Variants in ZNF664 observed in about 807,000 individuals in gnomAD.
ZNF664 encodes the protein zinc finger Organ of Corti 1.
A neutral mutation model predicts 18.2 loss-of-function variants in ZNF664; 10 were observed. The ratio of observed to expected loss-of-function variants is 0.55; its 90% CI spans 0.34 to 0.93. The LOEUF is 0.93. ZNF664 is among the 40% of genes least tolerant of loss of function. ZNF664 has a pLI of 0.02. For synonymous variants in ZNF664, 119 were observed against 104.2 expected, an observed-to-expected ratio of 1.14 and a Z score of -0.86; for missense variants, 193 against 319.0, an observed-to-expected ratio of 0.61 and a Z score of 3.01.
At chr12:123,988,969 G>T (rs1443146594) in intron 3 of ZNF664, among the ~76,000 whole-genome samples, 7 of 152,198 alleles carry the variant, frequency 4.6e-5, no homozygotes, top group Non-Finnish European at 1.5e-5. Context: ...CCCTTGTCTT[G>T]ATAGCTGCTG....
intron 2 of ZNF664, among the ~76,000 whole-genome samples, chr12:123,975,956 G>C (rs534985519): frequency 5.7e-4 from 87 of 152,240 alleles, no homozygotes; most frequent in Admixed American, 2.6e-3. Context: ...TTAATATTGA[G>C]ATTTAATATT....
At position 123,976,027 on chromosome 12, in the gene ZNF664, C is replaced by T. The variant is rs1358899032; in HGVS notation, c.-757+2007C>T. On this transcript the variant is annotated intron_variant, in intron 2 of 4. Transcript: ENST00000337815. ...GTAACATTTTAAGATGTATGAGATA[C>T]GATTAGGGGCTTTTTATGTATTTTT... Among the ~76,000 whole-genome samples the T allele has an allele frequency of 2.6e-5, 4 of 152,028 alleles. No homozygotes were observed. In the South Asian group the frequency reaches 6.2e-4, roughly 24 times the overall value.
chr12:123,986,714 A>G (rs1393961403), intron 2 of ZNF664, among the ~76,000 whole-genome samples: 2 of 152,222 alleles, frequency 1.3e-5, no homozygotes, highest in African/African-American at 2.4e-5. Context: ...AGAAGTGGTC[A>G]TGTGGCCGAT....
intron 2 of ZNF664, among the ~76,000 whole-genome samples, chr12:123,980,176 A>G (rs1408600775): frequency 6.6e-6 from 1 of 152,216 alleles, no homozygotes; most frequent in African/African-American, 2.4e-5. Flanking sequence ...AGAATACCTG[A>G]AAACATTTAA....
At chr12:123,987,631 T>G (rs972976312) in intron 2 of ZNF664, among the ~76,000 whole-genome samples, 7 of 152,216 alleles carry the variant, frequency 4.6e-5, no homozygotes, top group Admixed American at 6.5e-5. Flanking sequence ...AGTTTGTGCT[T>G]CTTCAGTACC....
chr12:124,013,888 G>C lies in ZNF664; in HGVS notation c.*958G>C, dbSNP rs910547761. 2 of 167,092 alleles carry C rather than the reference G, an allele frequency of 1.2e-5. No homozygotes were observed. Among genetic ancestry groups the C allele is most frequent in the African/African-American group, 4.8e-5 (2 of 41,452 alleles). 10.4% of individuals were successfully genotyped at this position (167,092 alleles called of 1,614,324 possible). On this transcript the variant is annotated 3_prime_UTR_variant, in exon 5 of 5. Coordinates refer to ENST00000337815, the MANE Select transcript of ZNF664 (RefSeq NM_152437.3). Reference sequence around the variant, plus strand: ...TGGGCAATAATGCATAGGAGTTCTTGATACCCCTTCATTGATTACTGTGTA... The same window carrying C: ...TGGGCAATAATGCATAGGAGTTCTTCATACCCCTTCATTGATTACTGTGTA...
chr12:124,012,403 T>C lies in ZNF664; in HGVS notation c.259T>C (p.Tyr87His), dbSNP rs2138467507. The change falls in exon 5 of 5, where the codon TAT (tyrosine) becomes CAT (histidine). Residue 87 changes from tyrosine to histidine, a missense_variant. Physicochemically the swap from Tyr to His is moderately conservative, Grantham distance 83. Transcript: ENST00000337815. ...GAAAATCCACACAGTGGAGAAGCCCTATAAATGTTACGAGTGTGGCAAAGC... is the reference window on the plus strand; with the variant it reads ...GAAAATCCACACAGTGGAGAAGCCCCATAAATGTTACGAGTGTGGCAAAGC... ...HKKIHTVEKPYKCYECGKAFN... is the reference protein window; with the variant it reads ...HKKIHTVEKPHKCYECGKAFN... 3 of 1,614,244 alleles carry C rather than the reference T, an allele frequency of 1.9e-6. No homozygotes were observed. The highest frequency in any genetic ancestry group is 1.6e-4 in the Middle Eastern group (1 of 6,062).
At chr12:123,984,420 G>C (rs1300806499) in intron 2 of ZNF664, among the ~76,000 whole-genome samples, 1 of 152,152 alleles carries the variant, frequency 6.6e-6, no homozygotes, top group Non-Finnish European at 1.5e-5. Context: ...TGAAGCAATA[G>C]AAATCTGGAA....
chr12:123,999,653 A>G (rs567207825), intron 3 of ZNF664, among the ~76,000 whole-genome samples: 1 of 152,370 alleles, frequency 6.6e-6, no homozygotes, highest in Non-Finnish European at 1.5e-5. Flanking sequence ...AGCTCAGTCC[A>G]GACATCCAGA....
At chr12:123,980,157 A>C (rs948076451) in intron 2 of ZNF664, among the ~76,000 whole-genome samples, 3 of 152,244 alleles carry the variant, frequency 2.0e-5, no homozygotes, top group Non-Finnish European at 4.4e-5. Flanking sequence ...TAAGAATTAG[A>C]AAAAGACTAG....
chr12:123,990,310 A>G (rs1956874561), intron 3 of ZNF664, among the ~76,000 whole-genome samples: 2 of 152,238 alleles, frequency 1.3e-5, no homozygotes, highest in African/African-American at 2.4e-5. Context: ...TTAAAAATGC[A>G]TACAAATGTC....
At chr12:123,974,117 C>A in intron 2 of ZNF664, 97 bp downstream of exon 2, 1 of 926,704 alleles carries the variant, frequency 1.1e-6, no homozygotes, top group Non-Finnish European at 1.4e-6. Flanking sequence ...TCTCACTGTC[C>A]CCGGCTTCTC....
chr12:124,000,901 G>A (rs1046761873), intron 3 of ZNF664, among the ~76,000 whole-genome samples: 1 of 152,032 alleles, frequency 6.6e-6, no homozygotes, highest in Non-Finnish European at 1.5e-5. Flanking sequence ...AAATGTTAAC[G>A]GCTCACACAT....
intron 3 of ZNF664, among the ~76,000 whole-genome samples, chr12:123,994,374 ATACT>A (rs1482791430): frequency 3.7e-4 from 56 of 152,230 alleles, no homozygotes; most frequent in African/African-American, 1.1e-3. Context: ...TTTTATGAAG[ATACT>A]TACTAACTCA....
chr12:124,006,383 A>G (rs1051645336), intron 3 of ZNF664, among the ~76,000 whole-genome samples: 1 of 152,152 alleles, frequency 6.6e-6, no homozygotes, highest in African/African-American at 2.4e-5. Context: ...ACAGCCTTCA[A>G]GGGAAACCAG....
chr12:123,980,137 ATATT>A (rs1483480864), intron 2 of ZNF664, among the ~76,000 whole-genome samples: 1 of 152,224 alleles, frequency 6.6e-6, no homozygotes, highest in Non-Finnish European at 1.5e-5. Context: ...GTATATATAT[ATATT>A]CTGAATAAGA....
At chr12:123,985,115 T>G (rs1956808934) in intron 2 of ZNF664, among the ~76,000 whole-genome samples, 1 of 151,938 alleles carries the variant, frequency 6.6e-6, no homozygotes, top group South Asian at 2.1e-4. Context: ...TTATAGATGC[T>G]GTGGAGGAGC....
rs1956640339 is a variant in ZNF664, at chr12:123,973,931, T to A, written c.-846T>A. The A allele has an allele frequency of 2.4e-6, 3 of 1,231,826 alleles. No individual in the cohort carries two copies. Among genetic ancestry groups the A allele is most frequent in the Non-Finnish European group, 2.0e-6 (2 of 988,110 alleles). 76.3% of individuals were successfully genotyped at this position (1,231,826 alleles called of 1,614,324 possible). ...GGAGGCGAGCATCCCGCTCAGGTGATGAGGAACCCCTCGCGCACCCAGCGC... is the reference window on the plus strand; with the variant it reads ...GGAGGCGAGCATCCCGCTCAGGTGAAGAGGAACCCCTCGCGCACCCAGCGC... On this transcript the variant is annotated 5_prime_UTR_variant, in exon 2 of 5. The change abolishes an upstream ATG in the 5' untranslated region. Transcript: ENST00000337815.
rs1318214427 is a variant in ZNF664, at chr12:124,013,255, T to TC, written c.*326dup. ...CATTGCCCGGCCTCCTGAGTCACCT[T>TC]CTATCTATACTTTGCTTAAAAGCTA... On this transcript the variant is annotated 3_prime_UTR_variant, in exon 5 of 5. Coordinates refer to ENST00000337815, the MANE Select transcript of ZNF664 (RefSeq NM_152437.3). 2 of 357,366 alleles carry TC rather than the reference T, an allele frequency of 5.6e-6. No individual in the cohort carries two copies. The highest frequency in any genetic ancestry group is 2.1e-5 in the African/African-American group (1 of 47,288). The allele number at this position is 357,366 out of a possible 1,614,324, so 22.1% of individuals were successfully genotyped here. A position where few individuals can be genotyped will look rare whatever the true frequency, so the allele number is the denominator to read the frequency against.
Sources: allele counts gnomAD v4.1 joint callset (sites outside exome capture counted in the v4.1 genomes callset), GRCh38; gene constraint gnomAD v4.1.1; transcripts MANE v1.5; gene names NCBI Gene and HGNC (gene_info 2026-07-23, HGNC 2026-07-21).